The following NEK10 variants were observed in gnomAD, a reference collection of about 807,000 sequenced individuals.
The protein encoded by NEK10 is NIMA related kinase 10.
A neutral mutation model predicts 159.8 loss-of-function variants in NEK10; 122 were observed. The ratio of observed to expected loss-of-function variants is 0.76; its 90% CI spans 0.66 to 0.89. The LOEUF (loss-of-function observed/expected upper bound fraction) is 0.89, where lower values mean the gene tolerates loss of function less well. NEK10 is among the 40% of genes least tolerant of loss of function. The pLI is 0.00. For synonymous variants in NEK10, 466 were observed against 457.1 expected (o/e 1.02, Z -0.25); for missense variants, 1,342 against 1,323.1 (o/e 1.01, Z -0.22).
rs545436183 is a variant in NEK10, at chr3:27,130,675, TAA to T, written c.3081+1203_3081+1204del. ...CCTTAATAAGAATATAAAATAAGAA[TAA>T]GAGTTATATGACCTTAATAAGAATA... is the stretch of plus-strand genomic sequence containing the variant. On this transcript the variant is annotated intron_variant, in intron 32 of 35. Transcript: ENST00000691995. Among the ~76,000 whole-genome samples the T allele has an allele frequency of 2.4e-4, 37 of 152,272 alleles. No homozygotes were observed. In the South Asian group the frequency reaches 7.5e-3, roughly 31 times the overall value.
intron 23 of NEK10, among the ~76,000 whole-genome samples, chr3:27,254,866 G>T (rs1405347235): frequency 2.6e-5 from 4 of 151,040 alleles, no homozygotes; most frequent in Non-Finnish European, 5.9e-5. Flanking sequence ...CAAAAAAGTT[G>T]GCATGTTTTG....
chr3:27,314,430 TTTATAA>T (rs1264840216), intron 6 of NEK10, 92 bp from the exon 7 acceptor site: 2 of 779,692 alleles, frequency 2.6e-6, no homozygotes, highest in African/African-American at 1.7e-5. Flanking sequence ...AGTTGTCATA[TTTATAA>T]TTATATTGTG....
intron 26 of NEK10, among the ~76,000 whole-genome samples, chr3:27,183,894 C>A (rs1298909690): frequency 2.6e-5 from 4 of 152,114 alleles, no homozygotes; most frequent in Admixed American, 6.5e-5. Context: ...AAAGAAGTAT[C>A]ATTACACCTC....
At chr3:27,365,606 T>TTG (rs1553655272) in intron 1 of NEK10, among the ~76,000 whole-genome samples, 15 of 108,764 alleles carry the variant, frequency 1.4e-4, no homozygotes, top group East Asian at 3.2e-4. Flanking sequence ...TGTTTTTTTT[T>TTG]TGTGTTTTTT....
intron 26 of NEK10, among the ~76,000 whole-genome samples, chr3:27,191,335 G>A (rs76729953): frequency 6.6e-6 from 1 of 150,852 alleles, no homozygotes; most frequent in Non-Finnish European, 1.5e-5. Flanking sequence ...TTACCAGGTC[G>A]CCACTGGGTG....
In NEK10 at chr3:27,201,571, C is replaced by T; in HGVS notation, c.2230G>A (p.Ala744Thr). The T allele has an allele frequency of 1.2e-6, 2 of 1,613,574 alleles. No homozygotes were observed. Among genetic ancestry groups the T allele is most frequent in the Non-Finnish European group, 1.7e-6 (2 of 1,179,600 alleles). Residue 744 changes from alanine to threonine, a missense_variant, in exon 25 of 36, where the codon GCG becomes ACG. Coordinates refer to ENST00000691995, the MANE Select transcript of NEK10 (RefSeq NM_001394966.1). ...CCTTCTGGGACTGGTTCATATACCG[C>T]CTCCACTATCTGCAAAACAAACAGA... ...MLSLATKIVE[A>T]VYEPVPEGIY...
chr3:27,301,762 GC>G lies in NEK10; in HGVS notation c.1101del (p.Gln367HisfsTer9). 1 of 1,567,200 alleles carries G rather than the reference GC, an allele frequency of 6.4e-7. No individual in the cohort carries two copies. On this transcript the variant is annotated frameshift_variant, in exon 13 of 36. Coordinates refer to ENST00000691995, the MANE Select transcript of NEK10 (RefSeq NM_001394966.1). LOFTEE classifies it high-confidence loss of function. ...LSSANAAGRI[Q>X]QLHLSEDLSP... ...CTCAAGTCTTCTGATAAATGAAGCT[GC>G]TGGATTCGGCCTGCAGCATTTGCAC...
intron 32 of NEK10, among the ~76,000 whole-genome samples, chr3:27,127,137 T>G (rs943560760): frequency 2.0e-5 from 3 of 152,178 alleles, no homozygotes; most frequent in Non-Finnish European, 2.9e-5. Context: ...TGTTCAATCT[T>G]GCTTCATTTA....
chr3:27,252,470 A>C (rs950070086), intron 23 of NEK10, among the ~76,000 whole-genome samples: 2 of 152,242 alleles, frequency 1.3e-5, no homozygotes, highest in African/African-American at 4.8e-5. Flanking sequence ...TTTCTTTCTA[A>C]TATGTTATTT....
chr3:27,135,736 G>A (rs995311729), intron 31 of NEK10, among the ~76,000 whole-genome samples: 11 of 152,164 alleles, frequency 7.2e-5, no homozygotes, highest in African/African-American at 2.7e-4. Context: ...AATGTTCAAA[G>A]ACTGTTATCA....
chr3:27,305,276 G>T (rs1003498449), intron 11 of NEK10, among the ~76,000 whole-genome samples: 12 of 152,162 alleles, frequency 7.9e-5, no homozygotes, highest in African/African-American at 1.9e-4. Context: ...ATAAGCAGTG[G>T]AATAAACTTA....
intron 11 of NEK10, among the ~76,000 whole-genome samples, chr3:27,307,655 A>T (rs2044345721): frequency 6.6e-6 from 1 of 152,222 alleles, no homozygotes; most frequent in South Asian, 2.1e-4. Context: ...CTATGCCCAG[A>T]TCTAGAAGTA....
At chr3:27,201,468 T>C (rs1453187646) in intron 25 of NEK10, 42 bp downstream of exon 25, 2 of 1,518,954 alleles carry the variant, frequency 1.3e-6, no homozygotes, top group African/African-American at 1.4e-5. Context: ...ATGAGGTATT[T>C]CTTGATTGTC....
intron 13 of NEK10, among the ~76,000 whole-genome samples, chr3:27,297,733 G>C (rs1187236714): frequency 1.3e-5 from 2 of 152,194 alleles, no homozygotes; most frequent in Non-Finnish European, 2.9e-5. Flanking sequence ...CAACCAGTAA[G>C]TGGAAATGAC....
At chr3:27,291,120 G>A in intron 18 of NEK10, 142 bp downstream of exon 18, 1 of 876,734 alleles carries the variant, frequency 1.1e-6, no homozygotes. Context: ...TATCTCTGTT[G>A]GACAAAAACA....
chr3:27,344,205 T>C lies in NEK10; in HGVS notation c.362+67A>G, dbSNP rs140295147. ...TCCTGTAAGATGTTTCAAATCATGT[T>C]CTAGAGACAAGATAGATGACATATG... is the stretch of plus-strand genomic sequence containing the variant. On this transcript the variant is annotated intron_variant, in intron 5 of 35. Coordinates refer to ENST00000691995, the MANE Select transcript of NEK10 (RefSeq NM_001394966.1). 87 of 771,712 alleles carry C rather than the reference T, an allele frequency of 1.1e-4. No homozygotes were observed. In the African/African-American group the frequency reaches 1.3e-3, roughly 12 times the overall value. 47.8% of individuals were successfully genotyped at this position (771,712 alleles called of 1,614,324 possible).
intron 23 of NEK10, among the ~76,000 whole-genome samples, chr3:27,239,307 T>C (rs1244930684): frequency 6.6e-6 from 1 of 152,214 alleles, no homozygotes; most frequent in Non-Finnish European, 1.5e-5. Context: ...TCAAATGTAG[T>C]AATTTTGTAT....
intron 6 of NEK10, among the ~76,000 whole-genome samples, chr3:27,318,973 G>T (rs1339209653): frequency 6.6e-6 from 1 of 152,140 alleles, no homozygotes; most frequent in Non-Finnish European, 1.5e-5. Flanking sequence ...GAATAGGAAC[G>T]TGTAAATAAT....
At chr3:27,225,644 C>A (rs1016004461) in intron 23 of NEK10, among the ~76,000 whole-genome samples, 3 of 152,166 alleles carry the variant, frequency 2.0e-5, no homozygotes. Flanking sequence ...AAAGCTTTAG[C>A]CAACATTGTA....
Sources: gnomAD v4.1 joint callset for allele counts (sites outside exome capture counted in the v4.1 genomes callset) on GRCh38, gnomAD v4.1.1 for gene constraint, MANE v1.5 for transcripts, NCBI Gene and HGNC (gene_info 2026-07-23, HGNC 2026-07-21) for gene names.